ADGRL2: variants seen among roughly 807,000 people sequenced by gnomAD.
ADGRL2 encodes calcium-independent alpha-latrotoxin receptor 2.
In ADGRL2, 44 loss-of-function variants were observed where a neutral mutation model predicts 157.4. The ratio of observed to expected loss-of-function variants is 0.28; its 90% CI spans 0.22 to 0.36. ADGRL2 has a LOEUF of 0.36. Among genes scored for constraint, ADGRL2 ranks in the 10% least tolerant of loss-of-function variants. ADGRL2 has a pLI of 1.00. For missense variants in ADGRL2, 1,510 were observed against 1,768.9 expected (o/e 0.85, Z 2.63); for synonymous variants, 585 against 624.7 (o/e 0.94, Z 0.95).
At chr1:81,495,762 T>C (rs2078717908) in intron 2 of ADGRL2, among the ~76,000 whole-genome samples, 1 of 152,194 alleles carries the variant, frequency 6.6e-6, no homozygotes, top group Admixed American at 6.5e-5. Context: ...TCAGAAGTTG[T>C]GCTTTTAACT....
chr1:81,682,155 G>A (rs888561721), intron 3 of ADGRL2, among the ~76,000 whole-genome samples: 13 of 137,402 alleles, frequency 9.5e-5, no homozygotes, highest in Admixed American at 3.8e-4. Flanking sequence ...CTTTGCCATT[G>A]CAAGAAGGAA....
intron 2 of ADGRL2, among the ~76,000 whole-genome samples, chr1:81,470,123 C>G (rs2078140603): frequency 6.6e-6 from 1 of 152,210 alleles, no homozygotes; most frequent in African/African-American, 2.4e-5. Context: ...CTATTTTATT[C>G]TAACGCACAC....
chr1:81,776,118 A>G (rs1003367182), intron 2 of ADGRL2, among the ~76,000 whole-genome samples: 2 of 151,956 alleles, frequency 1.3e-5, no homozygotes, highest in Admixed American at 6.6e-5. Context: ...CTATCATGAT[A>G]TTACCTCTGA....
At position 81,987,851 on chromosome 1, in the gene ADGRL2, C is replaced by G; in HGVS notation, c.3638-18C>G. 3.0e-6 allele frequency: 1 copy of G among 336,662 alleles called. No homozygotes were observed. The highest frequency in any genetic ancestry group is 6.2e-6 in the Non-Finnish European group (1 of 160,326). The allele number at this position is 336,662 out of a possible 1,614,324, so 20.9% of individuals were successfully genotyped here. On this transcript the variant is annotated intron_variant, in intron 22 of 23. Coordinates refer to ENST00000686636, the MANE Select transcript of ADGRL2 (RefSeq NM_001366006.2). ...TCATTCTCTTGTTTTTTTTCACTTTCCTTATGCTTTCCTCTAGCAACCTAC... is the reference window on the plus strand; with the variant it reads ...TCATTCTCTTGTTTTTTTTCACTTTGCTTATGCTTTCCTCTAGCAACCTAC...
chr1:81,411,135 T>A (rs1043611134), intron 1 of ADGRL2, among the ~76,000 whole-genome samples: 5 of 152,212 alleles, frequency 3.3e-5, no homozygotes, highest in Non-Finnish European at 7.3e-5. Flanking sequence ...AAGGGCATTC[T>A]ATGAATAGCT....
intron 5 of ADGRL2, 43 bp downstream of exon 5, chr1:81,942,088 C>T: frequency 1.4e-6 from 1 of 732,916 alleles, no homozygotes; most frequent in Non-Finnish European, 2.5e-6. Context: ...TGTTATGTGC[C>T]TTATGGATGT....
intron 1 of ADGRL2, among the ~76,000 whole-genome samples, chr1:81,353,079 G>A (rs1663029829): frequency 6.6e-6 from 1 of 152,096 alleles, no homozygotes; most frequent in South Asian, 2.1e-4. Context: ...GCATATATAT[G>A]TACGTTAATC....
chr1:81,683,974 G>T (rs558406591), intron 3 of ADGRL2, among the ~76,000 whole-genome samples: 2 of 152,114 alleles, frequency 1.3e-5, no homozygotes, highest in South Asian at 4.2e-4. Context: ...ACGCCACCAT[G>T]CCCGGCTCAT....
intron 2 of ADGRL2, among the ~76,000 whole-genome samples, chr1:81,842,256 A>G (rs1181506479): frequency 6.7e-6 from 1 of 148,408 alleles, no homozygotes; most frequent in Non-Finnish European, 1.5e-5. Context: ...CTTGGGAGTT[A>G]GTATCTGTTT....
intron 1 of ADGRL2, among the ~76,000 whole-genome samples, chr1:81,383,765 C>T (rs1175708435): frequency 6.9e-6 from 1 of 144,584 alleles, no homozygotes; most frequent in Non-Finnish European, 1.5e-5. Flanking sequence ...GAGATTGAGA[C>T]CATCCTGGCT....
rs3924204 is a variant in ADGRL2, at chr1:81,401,063, G to A, written c.-301-43973G>A. Among the ~76,000 whole-genome samples, 14 of 152,286 alleles carry A rather than the reference G, an allele frequency of 9.2e-5. No homozygotes were observed. The East Asian group carries it at 2.1e-3, about 23-fold the overall frequency. ...ACTATTTCCTTAGGAGGCAGGATGCGACTTCAGCTTAGGTACTAGGATTTG... is the reference window on the plus strand; with the variant it reads ...ACTATTTCCTTAGGAGGCAGGATGCAACTTCAGCTTAGGTACTAGGATTTG... On this transcript the variant is annotated intron_variant, in intron 1 of 24. Transcript: ENST00000370721.
At chr1:81,699,660 C>T (rs926395303), upstream of ADGRL2, 1 of 152,174 alleles carries the variant, frequency 6.6e-6, no homozygotes, top group Non-Finnish European at 1.5e-5. Flanking sequence ...GAAGGGCAGG[C>T]TTGGGATCTT....
chr1:81,820,565 C>G (rs1373253036), intron 1 of ADGRL2, among the ~76,000 whole-genome samples: 1 of 151,396 alleles, frequency 6.6e-6, no homozygotes, highest in Admixed American at 6.6e-5. Context: ...GGGGGGAAGA[C>G]TCTTCTTTTT....
At chr1:81,367,511 A>G (rs1479393994) in intron 1 of ADGRL2, among the ~76,000 whole-genome samples, 1 of 152,120 alleles carries the variant, frequency 6.6e-6, no homozygotes, top group Non-Finnish European at 1.5e-5. Context: ...AAGGATAACC[A>G]TTCCCAGCTC....
chr1:81,783,289 A>G (rs1195691663), intron 2 of ADGRL2, among the ~76,000 whole-genome samples: 1 of 145,552 alleles, frequency 6.9e-6, no homozygotes, highest in African/African-American at 2.5e-5. Context: ...ATGCTGGCTA[A>G]TTTTTTTTTT....
intron 21 of ADGRL2, among the ~76,000 whole-genome samples, chr1:81,986,284 A>G (rs535007191): frequency 5.6e-4 from 86 of 152,270 alleles, no homozygotes; most frequent in Middle Eastern, 3.4e-3. Context: ...AACCTGGCAA[A>G]TAACATTACA....
At chr1:81,536,030 A>T (rs1328419927) in intron 2 of ADGRL2, among the ~76,000 whole-genome samples, 1 of 152,232 alleles carries the variant, frequency 6.6e-6, no homozygotes, top group Admixed American at 6.5e-5. Context: ...AAGCACATGA[A>T]TCTCAGATAT....
At chr1:81,522,139 A>G (rs2148172949) in intron 2 of ADGRL2, among the ~76,000 whole-genome samples, 2 of 151,692 alleles carry the variant, frequency 1.3e-5, no homozygotes, top group Admixed American at 1.3e-4. Flanking sequence ...TAATTTTTGT[A>G]TTTGTAGTAG....
chr1:81,606,268 T>A (rs1193227618), intron 3 of ADGRL2, among the ~76,000 whole-genome samples: 1 of 152,220 alleles, frequency 6.6e-6, no homozygotes, highest in African/African-American at 2.4e-5. Flanking sequence ...AAGACTTACT[T>A]GCTACACAGC....
Sources: gnomAD v4.1 joint callset for allele counts (sites outside exome capture counted in the v4.1 genomes callset) on GRCh38, gnomAD v4.1.1 for gene constraint, MANE v1.5 for transcripts, NCBI Gene and HGNC (gene_info 2026-07-23, HGNC 2026-07-21) for gene names.